The following IQGAP1 variants were observed in gnomAD, a reference collection of about 807,000 sequenced individuals.
IQGAP1 encodes IQ motif containing GTPase activating protein 1.
IQGAP1 carries 66 observed loss-of-function variants against 215.6 expected under a neutral mutation model. The observed-to-expected ratio is 0.31, with a 90% CI of 0.25 to 0.38. The LOEUF is 0.38. Ranked by LOEUF, IQGAP1 falls within the 10% of genes least tolerant of loss-of-function variation. The pLI, the probability that IQGAP1 is intolerant of heterozygous loss-of-function variation, is 1.00. For synonymous variants in IQGAP1, 772 were observed against 728.7 expected (o/e 1.06, Z -0.96); for missense variants, 1,712 against 1,997.1 (o/e 0.86, Z 2.72).
At chr15:90,490,617 T>G (rs12914981) in intron 33 of IQGAP1, among the ~76,000 whole-genome samples, 1,879 of 152,316 alleles carry the variant, frequency 0.012, 18 homozygotes, top group Non-Finnish European at 0.021. Context: ...TACTAAGCAC[T>G]GGTCTTGTTG....
Position 90,499,982 on chromosome 15 carries a change from G to A in IQGAP1, c.4861-13G>A. 1 of 1,066,500 alleles carries A rather than the reference G, an allele frequency of 9.4e-7. No homozygotes were observed. Among genetic ancestry groups the A allele is most frequent in the Non-Finnish European group, 1.4e-6 (1 of 710,198 alleles). 66.1% of individuals were successfully genotyped at this position (1,066,500 alleles called of 1,614,324 possible). A position where few individuals can be genotyped will look rare whatever the true frequency, so the allele number is the denominator to read the frequency against. ...AAAATGTTTTGTTTTGTTTTGTTTT[G>A]TTTTGTTAATAGGACCTGCTGCAGC... On this transcript the variant is annotated splice_polypyrimidine_tract_variant and intron_variant, in intron 37 of 37. Transcript: ENST00000268182.
chr15:90,478,187 C>T (rs1966007646), intron 26 of IQGAP1, among the ~76,000 whole-genome samples: 1 of 152,038 alleles, frequency 6.6e-6, no homozygotes, highest in Non-Finnish European at 1.5e-5. Context: ...GACTGGGTTT[C>T]ACCATGTTGG....
At chr15:90,400,627 C>A (rs1161096610) in intron 2 of IQGAP1, among the ~76,000 whole-genome samples, 1 of 152,172 alleles carries the variant, frequency 6.6e-6, no homozygotes. Flanking sequence ...GTCCACCAGT[C>A]AAGGTTGGGG....
chr15:90,488,230 T>TAATTAATA (rs1555441976), intron 33 of IQGAP1, among the ~76,000 whole-genome samples: 1 of 147,620 alleles, frequency 6.8e-6, no homozygotes, highest in Non-Finnish European at 1.5e-5. Context: ...CAAAAAATAA[T>TAATTAATA]AATAAATAAA....
At chr15:90,409,602 C>T (rs904182215) in intron 2 of IQGAP1, among the ~76,000 whole-genome samples, 6 of 152,116 alleles carry the variant, frequency 3.9e-5, no homozygotes, top group African/African-American at 7.2e-5. Context: ...CTCGAACTTA[C>T]GAACTCAAGT....
intron 5 of IQGAP1, among the ~76,000 whole-genome samples, chr15:90,438,730 C>T (rs952337683): frequency 6.8e-6 from 1 of 146,488 alleles, no homozygotes; most frequent in African/African-American, 2.5e-5. Flanking sequence ...ATGTTAACAT[C>T]TTTTTTTTTT....
In IQGAP1 at chr15:90,474,571, G is replaced by T; in HGVS notation, c.2662G>T (p.Asp888Tyr). ...QSDQDFQEEL[D>Y]LMKMREEVIT... ...TGACCAGGATTTTCAGGAGGAGCTT[G>T]ACCTTATGAAGATGCGGGAAGAGGT... Residue 888 changes from aspartate to tyrosine, a missense_variant, in exon 23 of 38, where the codon GAC (aspartate) becomes TAC (tyrosine). By Grantham distance (160) the Asp-to-Tyr change is radical (BLOSUM62 -3). Around this residue, in one of 2 missense-constraint regions of IQGAP1, gnomAD observed 1,021 missense variants for 1,074.2 expected, o/e 0.95. Transcript: ENST00000268182. 6.2e-7 allele frequency: 1 copy of T among 1,614,122 alleles called. No homozygotes were observed. The highest frequency in any genetic ancestry group is 8.5e-7 in the Non-Finnish European group (1 of 1,179,988).
chr15:90,438,675 G>T (rs1442469548), intron 5 of IQGAP1, among the ~76,000 whole-genome samples: 1 of 151,874 alleles, frequency 6.6e-6, no homozygotes, highest in African/African-American at 2.4e-5. Flanking sequence ...ATTGATTACA[G>T]GAAGGCAAAC....
intron 15 of IQGAP1, among the ~76,000 whole-genome samples, chr15:90,461,691 G>A (rs1377014025): frequency 6.6e-6 from 1 of 152,002 alleles, no homozygotes; most frequent in Non-Finnish European, 1.5e-5. Flanking sequence ...ATACAGGTGT[G>A]GTGTACACCC....
chr15:90,469,421 G>A (rs547895570), intron 18 of IQGAP1, among the ~76,000 whole-genome samples: 2 of 152,264 alleles, frequency 1.3e-5, no homozygotes, highest in East Asian at 3.9e-4. Flanking sequence ...TCTACCTTGT[G>A]GTTAAAGTTC....
intron 5 of IQGAP1, among the ~76,000 whole-genome samples, chr15:90,435,794 A>G (rs928939342): frequency 9.2e-5 from 14 of 152,190 alleles, no homozygotes; most frequent in African/African-American, 2.9e-4. Flanking sequence ...TTTCTCTTGA[A>G]TATGTAGTCT....
chr15:90,455,702 C>T lies in IQGAP1; in HGVS notation c.1613-450C>T, dbSNP rs374136595. On this transcript the variant is annotated intron_variant, in intron 14 of 37. Coordinates refer to ENST00000268182, the MANE Select transcript of IQGAP1 (RefSeq NM_003870.4). ...GGATCTTTCTTCTGCCATTTGTTTG[C>T]TGTGTAATCTTGGAGAAGAGATTGC... 1.8e-4 allele frequency among the ~76,000 whole-genome samples: 28 copies of T among 152,298 alleles called. No individual in the cohort carries two copies. In the East Asian group the frequency reaches 4.1e-3, roughly 22 times the overall value.
chr15:90,388,466 G>C (rs1964583484), intron 1 of IQGAP1, 70 bp downstream of exon 1: 1 of 1,386,138 alleles, frequency 7.2e-7, no homozygotes, highest in African/African-American at 1.5e-5. Flanking sequence ...GATTTTCCTG[G>C]GGGCTCGGCC....
intron 26 of IQGAP1, among the ~76,000 whole-genome samples, 196 bp from the exon 27 acceptor site, chr15:90,481,764 C>T (rs892511778): frequency 1.3e-5 from 2 of 152,328 alleles, no homozygotes; most frequent in African/African-American, 4.8e-5. Context: ...TTGTGCCTGG[C>T]ACACAATTCA....
At chr15:90,411,060 C>T (rs984780552) in intron 2 of IQGAP1, among the ~76,000 whole-genome samples, 5 of 151,934 alleles carry the variant, frequency 3.3e-5, no homozygotes, top group East Asian at 1.9e-4. Context: ...TTTTGAATTT[C>T]GAACTGTGTA....
At chr15:90,410,368 T>C (rs1964941901) in intron 2 of IQGAP1, among the ~76,000 whole-genome samples, 1 of 152,194 alleles carries the variant, frequency 6.6e-6, no homozygotes, top group African/African-American at 2.4e-5. Context: ...ATCATGCTGC[T>C]ATAAAGACAC....
At chr15:90,403,024 A>G (rs1302358594) in intron 2 of IQGAP1, among the ~76,000 whole-genome samples, 4 of 152,172 alleles carry the variant, frequency 2.6e-5, no homozygotes, top group Non-Finnish European at 2.9e-5. Context: ...TAATCCCAAC[A>G]CTTACGGAGG....
chr15:90,453,377 A>C, intron 13 of IQGAP1, 85 bp downstream of exon 13: 1 of 1,029,298 alleles, frequency 9.7e-7, no homozygotes, highest in South Asian at 1.7e-5. Flanking sequence ...TTTTCTTTGC[A>C]GGCATTATTA....
intron 2 of IQGAP1, among the ~76,000 whole-genome samples, chr15:90,408,923 C>G (rs1964917766): frequency 6.6e-6 from 1 of 152,154 alleles, no homozygotes; most frequent in Non-Finnish European, 1.5e-5. Flanking sequence ...TTGTGAGTAG[C>G]TGGGACTGCA....
Sources: allele counts gnomAD v4.1 joint callset (sites outside exome capture counted in the v4.1 genomes callset), GRCh38; gene constraint gnomAD v4.1.1; regional missense constraint gnomAD v4.1.1; transcripts MANE v1.5; gene names NCBI Gene and HGNC (gene_info 2026-07-23, HGNC 2026-07-21).